Variants in LRFN2 observed in about 807,000 individuals in gnomAD.
LRFN2 encodes the protein leucine-rich repeat and fibronectin type-III domain-containing protein 2.
LRFN2 carries 18 observed loss-of-function variants against 37.3 expected under a neutral mutation model. The observed-to-expected ratio is 0.48, with a 90% CI of 0.33 to 0.72. LRFN2 has a LOEUF of 0.72. Among genes scored for constraint, LRFN2 ranks in the 30% least tolerant of loss-of-function variants. LRFN2 has a pLI of 0.02. For synonymous variants in LRFN2, 556 were observed against 466.6 expected, an observed-to-expected ratio of 1.19 and a Z score of -2.47; for missense variants, 1,006 against 1,060.7, an observed-to-expected ratio of 0.95 and a Z score of 0.72.
chr6:40,445,489 G>C (rs1763948607), intron 1 of LRFN2, among the ~76,000 whole-genome samples: 1 of 152,188 alleles, frequency 6.6e-6, no homozygotes, highest in Non-Finnish European at 1.5e-5. Context: ...GGAGGAGGTG[G>C]TGCTGATTGT....
intron 2 of LRFN2, among the ~76,000 whole-genome samples, chr6:40,420,608 A>G (rs563295448): frequency 1.3e-5 from 2 of 152,178 alleles, no homozygotes; most frequent in Non-Finnish European, 1.5e-5. Flanking sequence ...CGCCTCCCCA[A>G]CATCCATTCC....
At chr6:40,534,903 A>T (rs1766420815) in intron 1 of LRFN2, among the ~76,000 whole-genome samples, 1 of 152,156 alleles carries the variant, frequency 6.6e-6, no homozygotes, top group African/African-American at 2.4e-5. Flanking sequence ...GAGTACCAGG[A>T]TCTCATTTCA....
chr6:40,508,083 G>A (rs188438468), intron 1 of LRFN2, among the ~76,000 whole-genome samples: 1 of 152,120 alleles, frequency 6.6e-6, no homozygotes, highest in South Asian at 2.1e-4. Context: ...CCCAAGCCTA[G>A]CTCTGTTCCT....
intron 2 of LRFN2, among the ~76,000 whole-genome samples, chr6:40,409,905 C>A: frequency 6.6e-6 from 1 of 152,182 alleles, no homozygotes; most frequent in East Asian, 1.9e-4. Flanking sequence ...CTGCCTCACC[C>A]CACGGAGAGT....
In LRFN2 at chr6:40,554,979, A is replaced by C. The variant is rs184006049; in HGVS notation, c.-19+31962T>G. 3.7e-4 allele frequency among the ~76,000 whole-genome samples: 56 copies of C among 152,368 alleles called. 1 individual carries two copies. The highest frequency in any genetic ancestry group is 3.4e-3 in the Middle Eastern group (1 of 294). ...ATTAGTTATAATTATTTAAGAAAAGACCTTTTCCATGCATGCTGGTGGAAA... is the reference window on the plus strand; with the variant it reads ...ATTAGTTATAATTATTTAAGAAAAGCCCTTTTCCATGCATGCTGGTGGAAA... On this transcript the variant is annotated intron_variant, in intron 1 of 2. Coordinates refer to ENST00000338305, the MANE Select transcript of LRFN2 (RefSeq NM_020737.3).
intron 2 of LRFN2, among the ~76,000 whole-genome samples, chr6:40,421,534 G>T (rs1259806365): frequency 1.3e-5 from 2 of 152,184 alleles, no homozygotes; most frequent in African/African-American, 2.4e-5. Context: ...AGGAGTGTCT[G>T]GGTAACAATA....
intron 1 of LRFN2, among the ~76,000 whole-genome samples, chr6:40,457,364 C>T (rs897069186): frequency 6.6e-6 from 1 of 151,750 alleles, no homozygotes; most frequent in Non-Finnish European, 1.5e-5. Flanking sequence ...AGGGATTAAC[C>T]TTTTTCTCCC....
intron 2 of LRFN2, among the ~76,000 whole-genome samples, chr6:40,410,582 A>G (rs892371): frequency 0.87 from 132,453 of 152,254 alleles, 58,450 homozygotes; most frequent in Non-Finnish European, 0.96. Flanking sequence ...AGTAATGTAC[A>G]CCAAGCACTG....
intron 1 of LRFN2, among the ~76,000 whole-genome samples, chr6:40,475,752 G>A (rs1464207425): frequency 6.6e-6 from 1 of 152,140 alleles, no homozygotes; most frequent in African/African-American, 2.4e-5. Context: ...CACCATGCTT[G>A]ATGTAGTCCA....
At chr6:40,400,532 T>C (rs1762716976) in intron 2 of LRFN2, among the ~76,000 whole-genome samples, 1 of 150,240 alleles carries the variant, frequency 6.7e-6, no homozygotes, top group Non-Finnish European at 1.5e-5. Context: ...GCAATTCTCC[T>C]GCCTCAGCCT....
chr6:40,558,627 G>A (rs116828123), intron 1 of LRFN2, among the ~76,000 whole-genome samples: 1 of 152,300 alleles, frequency 6.6e-6, no homozygotes, highest in African/African-American at 2.4e-5. Context: ...GGGGCCCAGT[G>A]GGGGAAGGCG....
chr6:40,508,771 A>C (rs1765612158), intron 1 of LRFN2, among the ~76,000 whole-genome samples: 1 of 152,192 alleles, frequency 6.6e-6, no homozygotes, highest in Non-Finnish European at 1.5e-5. Flanking sequence ...GGTGGAACTA[A>C]TAGTAATAGT....
intron 1 of LRFN2, among the ~76,000 whole-genome samples, chr6:40,478,864 A>G (rs1034474342): frequency 1.8e-4 from 27 of 152,242 alleles, no homozygotes; most frequent in African/African-American, 6.5e-4. Context: ...GGTTTTGGCT[A>G]TCCAGCTGAT....
intron 1 of LRFN2, among the ~76,000 whole-genome samples, chr6:40,503,052 C>A (rs1765430548): frequency 6.6e-6 from 1 of 152,106 alleles, no homozygotes; most frequent in African/African-American, 2.4e-5. Flanking sequence ...GACTGGGAGG[C>A]CATGGAACCT....
intron 1 of LRFN2, among the ~76,000 whole-genome samples, chr6:40,435,541 T>C (rs1763646975): frequency 7.4e-6 from 1 of 135,434 alleles, no homozygotes; most frequent in Non-Finnish European, 1.6e-5. Flanking sequence ...TTATTTTTTG[T>C]TTCCTATTTT....
intron 1 of LRFN2, among the ~76,000 whole-genome samples, chr6:40,463,786 C>T (rs1764399605): frequency 6.7e-6 from 1 of 149,606 alleles, no homozygotes; most frequent in Non-Finnish European, 1.5e-5. Flanking sequence ...AAGTGATCCT[C>T]CCACCTCAGC....
chr6:40,460,180 G>A (rs550065476), intron 1 of LRFN2, among the ~76,000 whole-genome samples: 3 of 152,264 alleles, frequency 2.0e-5, no homozygotes, highest in Non-Finnish European at 2.9e-5. Flanking sequence ...CTGACAGCAG[G>A]CCTGAGCTTT....
At chr6:40,506,066 G>A (rs1581759045) in intron 1 of LRFN2, among the ~76,000 whole-genome samples, 1 of 152,338 alleles carries the variant, frequency 6.6e-6, no homozygotes, top group South Asian at 2.1e-4. Context: ...GCCTGGGCAT[G>A]GCTTGGAACT....
chr6:40,392,117 C>CGCA lies in LRFN2; in HGVS notation c.2193_2195dup (p.Ala734dup), dbSNP rs746822657. 1 of 1,613,230 alleles carries CGCA rather than the reference C, an allele frequency of 6.2e-7. No individual in the cohort carries two copies. The highest frequency in any genetic ancestry group is 2.2e-5 in the East Asian group (1 of 44,862). On this transcript the variant is annotated inframe_insertion, in exon 3 of 3. Coordinates refer to ENST00000338305, the MANE Select transcript of LRFN2 (RefSeq NM_020737.3). The surrounding 1 kb of genome is among the most constrained non-coding windows in gnomAD (Gnocchi z 4.7). The stretch of plus-strand genomic sequence containing the variant: ...CGCCCGGCACGACCCCTCCCGCCGC[C>CGCA]GCAGCAGCAAAGTCCCCCATGTCGA...
Sources: gnomAD v4.1 joint callset for allele counts (sites outside exome capture counted in the v4.1 genomes callset) on GRCh38, gnomAD v4.1.1 for gene constraint, Gnocchi (gnomAD v3.1) non-coding constraint, MANE v1.5 for transcripts, NCBI Gene and HGNC (gene_info 2026-07-23, HGNC 2026-07-21) for gene names.